The following ARHGAP28 variants were observed in gnomAD, a reference collection of about 807,000 sequenced individuals.
The protein encoded by ARHGAP28 is rho GTPase-activating protein 28.
In ARHGAP28, 56 loss-of-function variants were observed where a neutral mutation model predicts 90.7. The observed-to-expected ratio is 0.62, with a 90% CI of 0.50 to 0.77. The LOEUF (loss-of-function observed/expected upper bound fraction) is 0.77. Among genes scored for constraint, ARHGAP28 ranks in the 30% least tolerant of loss-of-function variants. ARHGAP28 has a pLI of 0.00. For missense variants in ARHGAP28, 869 were observed against 900.9 expected, an observed-to-expected ratio of 0.96 and a Z score of 0.45; for synonymous variants, 308 against 323.3, an observed-to-expected ratio of 0.95 and a Z score of 0.51.
intron 1 of ARHGAP28, among the ~76,000 whole-genome samples, chr18:6,776,115 T>G (rs547124672): frequency 6.6e-6 from 1 of 152,220 alleles, no homozygotes; most frequent in East Asian, 1.9e-4. Context: ...CTGGCTGAAA[T>G]TTTAGGAAAA....
intron 1 of ARHGAP28, among the ~76,000 whole-genome samples, chr18:6,762,972 C>T (rs4522478): frequency 0.42 from 64,538 of 152,004 alleles, 14,878 homozygotes; most frequent in East Asian, 0.85. Flanking sequence ...ACTCTCTGGG[C>T]CAGGCCAGGT....
At chr18:6,909,594 G>A (rs1452504381) in intron 17 of ARHGAP28, among the ~76,000 whole-genome samples, 1 of 151,972 alleles carries the variant, frequency 6.6e-6, no homozygotes, top group Admixed American at 6.6e-5. Context: ...CGCCTGGCTG[G>A]CTTCGGTCTT....
At chr18:6,806,157 G>C in intron 1 of ARHGAP28, among the ~76,000 whole-genome samples, 1 of 152,134 alleles carries the variant, frequency 6.6e-6, no homozygotes, top group Non-Finnish European at 1.5e-5. Flanking sequence ...GCCTCCCAAA[G>C]TGCTGGGATT....
chr18:6,865,571 G>A (rs981110676), intron 5 of ARHGAP28, among the ~76,000 whole-genome samples: 3 of 152,196 alleles, frequency 2.0e-5, no homozygotes, highest in Middle Eastern at 3.4e-3. Context: ...CAAACCATGG[G>A]CAAAAACCAA....
At chr18:6,850,802 C>T (rs1567969939) in intron 3 of ARHGAP28, 1 of 1,523,834 alleles carries the variant, frequency 6.6e-7, no homozygotes, top group Non-Finnish European at 8.8e-7. Flanking sequence ...AGGAAGCTAG[C>T]AGAGTTTGCT....
chr18:6,745,661 C>T (rs751552140), intron 1 of ARHGAP28, among the ~76,000 whole-genome samples: 1 of 152,188 alleles, frequency 6.6e-6, no homozygotes, highest in Non-Finnish European at 1.5e-5. Flanking sequence ...CAACCCGTTT[C>T]TGACTTCTGT....
intron 1 of ARHGAP28, among the ~76,000 whole-genome samples, chr18:6,753,337 A>AT (rs1180172467): frequency 6.6e-6 from 1 of 152,220 alleles, no homozygotes; most frequent in South Asian, 2.1e-4. Context: ...TAGTCTTTAA[A>AT]TTTTTTTTGG....
intron 16 of ARHGAP28, among the ~76,000 whole-genome samples, chr18:6,907,053 A>C (rs1277230508): frequency 6.6e-6 from 1 of 152,256 alleles, no homozygotes; most frequent in Non-Finnish European, 1.5e-5. Context: ...GCCCATGAAA[A>C]GATGTTCAAC....
chr18:6,832,485 A>T (rs2056723701), intron 2 of ARHGAP28, among the ~76,000 whole-genome samples: 1 of 152,024 alleles, frequency 6.6e-6, no homozygotes, highest in African/African-American at 2.4e-5. Flanking sequence ...ACAAGTACTG[A>T]GAGAAGTTGT....
chr18:6,757,832 A>G (rs956878934), intron 1 of ARHGAP28, among the ~76,000 whole-genome samples: 1 of 152,122 alleles, frequency 6.6e-6, no homozygotes, highest in African/African-American at 2.4e-5. Context: ...AAAGCATTGA[A>G]CACAGAGTTA....
intron 4 of ARHGAP28, among the ~76,000 whole-genome samples, chr18:6,855,894 A>C (rs2056949390): frequency 6.6e-6 from 1 of 152,214 alleles, no homozygotes; most frequent in Non-Finnish European, 1.5e-5. Context: ...GCCCCACTGC[A>C]GCTGACGTGC....
intron 1 of ARHGAP28, chr18:6,790,702 G>A (rs974833986): frequency 4.6e-5 from 7 of 152,128 alleles, no homozygotes; most frequent in Admixed American, 3.9e-4. Context: ...GAAATTCGTG[G>A]GAGAGAGAAG....
In ARHGAP28 at chr18:6,873,472, A is replaced by T. The variant is rs775514392; in HGVS notation, c.1018A>T (p.Met340Leu). The T allele has an allele frequency of 7.4e-6, 12 of 1,614,158 alleles. No homozygotes were observed. Among genetic ancestry groups the T allele is most frequent in the African/African-American group, 1.3e-5 (1 of 75,058 alleles). Residue 340 changes from methionine (M) to leucine (L), a missense_variant, in exon 8 of 18, where the codon ATG becomes TTG. By Grantham distance (15) the Met-to-Leu change is conservative (BLOSUM62 2). Coordinates refer to ENST00000383472, the MANE Select transcript of ARHGAP28 (RefSeq NM_001366230.1). ...AGCAGGAGATCTGTCTGCTGAAGACATGAAGAAAATCCGCCATCTCTCTCT... is the reference window on the plus strand; with the variant it reads ...AGCAGGAGATCTGTCTGCTGAAGACTTGAAGAAAATCCGCCATCTCTCTCT... Reference protein sequence around the residue: ...TEAGDLSAEDMKKIRHLSLIE... With the variant: ...TEAGDLSAEDLKKIRHLSLIE...
At chr18:6,775,946 A>T (rs903525545) in intron 1 of ARHGAP28, among the ~76,000 whole-genome samples, 10 of 152,222 alleles carry the variant, frequency 6.6e-5, no homozygotes, top group Non-Finnish European at 1.5e-4. Flanking sequence ...TTGAAAATAC[A>T]AACAAAGGAC....
chr18:6,751,583 T>C (rs892519305), intron 1 of ARHGAP28, among the ~76,000 whole-genome samples: 1 of 152,206 alleles, frequency 6.6e-6, no homozygotes, highest in Admixed American at 6.5e-5. Context: ...ATTGATATTA[T>C]TGGAGCTGGA....
Position 6,905,311 on chromosome 18 carries a change from TA to T in ARHGAP28, c.2031-3648del, listed in dbSNP as rs201623423. 9.2e-3 allele frequency among the ~76,000 whole-genome samples: 1,394 copies of T among 151,950 alleles called. 8 individuals are homozygous for T. The highest frequency in any genetic ancestry group is 0.014 in the Non-Finnish European group (938 of 67,920). On this transcript the variant is annotated intron_variant, in intron 16 of 17. Transcript: ENST00000383472. The stretch of plus-strand genomic sequence containing the variant: ...TTAGCCATATCAACAGGAGAAACCA[TA>T]GAGTCATTTCAATTGATACAGAAAA...
intron 16 of ARHGAP28, among the ~76,000 whole-genome samples, chr18:6,900,097 T>C (rs1269167788): frequency 6.6e-6 from 1 of 152,052 alleles, no homozygotes; most frequent in African/African-American, 2.4e-5. Flanking sequence ...TTGGAGACAA[T>C]GAGGCAGAGC....
intron 3 of ARHGAP28, among the ~76,000 whole-genome samples, chr18:6,845,928 G>T (rs1431902161): frequency 6.6e-6 from 1 of 152,154 alleles, no homozygotes; most frequent in African/African-American, 2.4e-5. Context: ...GTCCATTTTA[G>T]TACAGAGTTT....
In ARHGAP28 at chr18:6,890,504, T is replaced by G; in HGVS notation, c.1809T>G (p.Ser603Arg). Residue 603 changes from serine (S) to arginine (R), a missense_variant, in exon 14 of 18, where the codon AGT becomes AGG. Ser to Arg is a moderately radical substitution (Grantham distance 110). Coordinates refer to ENST00000383472, the MANE Select transcript of ARHGAP28 (RefSeq NM_001366230.1). ...TGCTATTGAAGAAGCAGCTCCCAAGTGTCAGGAAGCTGCTCAGGAGGAAGA... is the reference window on the plus strand; with the variant it reads ...TGCTATTGAAGAAGCAGCTCCCAAGGGTCAGGAAGCTGCTCAGGAGGAAGA... ...ATMLLKKQLP[S>R]VRKLLRRKTL... 1 of 1,613,324 alleles carries G rather than the reference T, an allele frequency of 6.2e-7. No individual in the cohort carries two copies. Among genetic ancestry groups the G allele is most frequent in the Non-Finnish European group, 8.5e-7 (1 of 1,179,726 alleles).
Sources: gnomAD v4.1 joint callset for allele counts (sites outside exome capture counted in the v4.1 genomes callset) on GRCh38, gnomAD v4.1.1 for gene constraint, MANE v1.5 for transcripts, NCBI Gene and HGNC (gene_info 2026-07-23, HGNC 2026-07-21) for gene names.